Variants in STAB2 observed in about 807,000 individuals in gnomAD.
The protein encoded by STAB2 is stabilin-2.
A neutral mutation model predicts 338.1 loss-of-function variants in STAB2; 288 were observed. The ratio of observed to expected loss-of-function variants is 0.85; its 90% confidence interval spans 0.77 to 0.94. The LOEUF (loss-of-function observed/expected upper bound fraction) is 0.94, where lower values mean the gene tolerates loss of function less well. Ranked by LOEUF, STAB2 falls within the 40% of genes least tolerant of loss-of-function variation. STAB2 has a pLI of 0.00. For synonymous variants in STAB2, 1,202 were observed against 1,193.3 expected, an observed-to-expected ratio of 1.01 and a Z score of -0.15; for missense variants, 3,141 against 3,210.1, an observed-to-expected ratio of 0.98 and a Z score of 0.52.
chr12:103,722,324 A>G (rs1880832828), intron 44 of STAB2, among the ~76,000 whole-genome samples: 1 of 152,206 alleles, frequency 6.6e-6, no homozygotes, highest in Non-Finnish European at 1.5e-5. Flanking sequence ...ATGTTTCAAG[A>G]GGAGTGATTG....
Position 103,670,815 on chromosome 12 carries a change from G to T in STAB2, c.2371+8G>T. 1 of 1,609,348 alleles carries T rather than the reference G, an allele frequency of 6.2e-7. No individual in the cohort carries two copies. Among genetic ancestry groups the T allele is most frequent in the Non-Finnish European group, 8.5e-7 (1 of 1,176,672 alleles). ...GACCTCGGTGTAACAAAAGTAAGTG[G>T]CACTTCCAGAGCTTCCTTCCACTCC... On this transcript the variant is annotated splice_region_variant and intron_variant, in intron 22 of 68. Coordinates refer to ENST00000388887, the MANE Select transcript of STAB2 (RefSeq NM_017564.10).
intron 50 of STAB2, 99 bp downstream of exon 50, chr12:103,731,734 A>G: frequency 5.6e-6 from 7 of 1,254,968 alleles, no homozygotes; most frequent in Non-Finnish European, 7.9e-6. Context: ...GACATTGGCC[A>G]GCTGTTGTGG....
chr12:103,759,761 A>G (rs1017600120), intron 65 of STAB2, among the ~76,000 whole-genome samples: 3 of 152,102 alleles, frequency 2.0e-5, no homozygotes, highest in Non-Finnish European at 4.4e-5. Flanking sequence ...GGGAAAACTT[A>G]TTCTACCCTC....
At chr12:103,756,775 C>T (rs1004772289) in intron 63 of STAB2, among the ~76,000 whole-genome samples, 8 of 151,914 alleles carry the variant, frequency 5.3e-5, no homozygotes, top group Non-Finnish European at 1.0e-4. Flanking sequence ...GACCAAGGAC[C>T]CCAAAATGGA....
At chr12:103,618,684 T>G (rs994969906) in intron 3 of STAB2, among the ~76,000 whole-genome samples, 3 of 152,190 alleles carry the variant, frequency 2.0e-5, no homozygotes, top group African/African-American at 7.2e-5. Context: ...GCTGGGTGAC[T>G]TTGGCCAAGT....
chr12:103,692,397 G>GC (rs373650441), intron 30 of STAB2, among the ~76,000 whole-genome samples: 6 of 59,036 alleles, frequency 1.0e-4, no homozygotes, highest in Admixed American at 3.6e-4. Context: ...TGTGGGGGCA[G>GC]GGGGGGACAC....
Position 103,669,588 on chromosome 12 carries a change from T to C in STAB2, c.2220T>C (p.Cys740=), listed in dbSNP as rs1162079476. Residue 740 remains cysteine, a synonymous_variant, in exon 21 of 69, where the codon TGT becomes TGC. Coordinates refer to ENST00000388887, the MANE Select transcript of STAB2 (RefSeq NM_017564.10). ...KGFYGPDCNQ[C]PGGFSNPCSG... is the part of the protein sequence containing the mutation. ...TCTATGGACCTGACTGCAACCAGTG[T>C]CCAGGAGGCTTCTCAAATCCATGCT... The C allele has an allele frequency of 5.6e-6, 9 of 1,614,204 alleles. No individual in the cohort carries two copies. The highest frequency in any genetic ancestry group is 6.8e-6 in the Non-Finnish European group (8 of 1,180,044).
chr12:103,616,974 T>TCCTCACCTCCTGCTGCTCATCCTTAGA (rs1476880452), intron 3 of STAB2, among the ~76,000 whole-genome samples: 5 of 152,202 alleles, frequency 3.3e-5, no homozygotes, highest in African/African-American at 1.2e-4. Context: ...TTCCTCTACA[T>TCCTCACCTCCTGCTGCTCATCCTTAGA]CCTCACCTCC....
chr12:103,702,932 A>G (rs548188752), intron 34 of STAB2, among the ~76,000 whole-genome samples: 1 of 152,380 alleles, frequency 6.6e-6, no homozygotes, highest in East Asian at 1.9e-4. Flanking sequence ...AGAGGAAAGC[A>G]ATTGGCCTAA....
chr12:103,642,841 T>C (rs2138701985), intron 9 of STAB2, among the ~76,000 whole-genome samples: 1 of 152,306 alleles, frequency 6.6e-6, no homozygotes, highest in South Asian at 2.1e-4. Flanking sequence ...CCTGAGACCA[T>C]TCCCAGGGTA....
chr12:103,731,976 G>T (rs1479792005), intron 50 of STAB2, among the ~76,000 whole-genome samples: 1 of 152,212 alleles, frequency 6.6e-6, no homozygotes, highest in East Asian at 1.9e-4. Context: ...GCATGGGAGA[G>T]TTGGGAACTC....
At chr12:103,764,266 A>T (rs1884755920) in intron 68 of STAB2, among the ~76,000 whole-genome samples, 1 of 152,188 alleles carries the variant, frequency 6.6e-6, no homozygotes, top group Non-Finnish European at 1.5e-5. Flanking sequence ...GATGTCCTTT[A>T]AACTTACTTA....
In STAB2 at chr12:103,669,392, G is replaced by A. The variant is rs577699029; in HGVS notation, c.2173-149G>A. On this transcript the variant is annotated intron_variant, in intron 20 of 68. Coordinates refer to ENST00000388887, the MANE Select transcript of STAB2 (RefSeq NM_017564.10). The stretch of plus-strand genomic sequence containing the variant: ...GTGGTGACCAGATGACTGAGCACTA[G>A]CCATGCCATCAACTGCCAAAGAAAA... 140 of 660,260 alleles carry A rather than the reference G, an allele frequency of 2.1e-4. No individual in the cohort carries two copies. In the African/African-American group the frequency reaches 2.2e-3, roughly 10 times the overall value. 40.9% of individuals were successfully genotyped at this position (660,260 alleles called of 1,614,324 possible). A position where few individuals can be genotyped will look rare whatever the true frequency, so the allele number is the denominator to read the frequency against.
At chr12:103,662,794 G>A (rs1279478763) in intron 17 of STAB2, 52 bp from the exon 18 acceptor site, 14 of 1,585,652 alleles carry the variant, frequency 8.8e-6, no homozygotes, top group Non-Finnish European at 1.2e-5. Context: ...ATCACTGGCA[G>A]TCCTGCAGTA....
In STAB2 at chr12:103,706,925, G is replaced by A. The variant is rs765071829; in HGVS notation, c.4130G>A (p.Gly1377Asp). The change falls in exon 38 of 69, where the codon GGC becomes GAC. Residue 1377 changes from glycine (G) to aspartate (D), a missense_variant. Physicochemically the swap from Gly to Asp is moderately conservative, Grantham distance 94. Transcript: ENST00000388887. ...ACAGGTGTGTGTGAGTGTGGGGAGG[G>A]CTTCAGCGGCACAGCCTGCGAGACC... Reference protein sequence around the residue: ...NGTGVCECGEGFSGTACETCT... With the variant: ...NGTGVCECGEDFSGTACETCT... 2 of 1,614,212 alleles carry A rather than the reference G, an allele frequency of 1.2e-6. No homozygotes were observed. Among genetic ancestry groups the A allele is most frequent in the Non-Finnish European group, 1.7e-6 (2 of 1,180,036 alleles).
intron 18 of STAB2, among the ~76,000 whole-genome samples, chr12:103,663,434 G>T (rs1267411092): frequency 6.6e-6 from 1 of 152,182 alleles, no homozygotes; most frequent in East Asian, 1.9e-4. Context: ...GCATTCCGTG[G>T]CTTGTAGCTG....
intron 50 of STAB2, among the ~76,000 whole-genome samples, 160 bp from the exon 51 acceptor site, chr12:103,732,846 T>C (rs1255209510): frequency 6.6e-6 from 1 of 152,124 alleles, no homozygotes; most frequent in Non-Finnish European, 1.5e-5. Flanking sequence ...GGTTGGGGTG[T>C]GATGGGCTTC....
At chr12:103,587,957 G>A (rs1408862087) in intron 1 of STAB2, among the ~76,000 whole-genome samples, 1 of 152,174 alleles carries the variant, frequency 6.6e-6, no homozygotes, top group Non-Finnish European at 1.5e-5. Context: ...TCTCACTAAG[G>A]AACACAAGTA....
chr12:103,640,168 G>A lies in STAB2; in HGVS notation c.952G>A (p.Val318Met). The change falls in exon 9 of 69, where the codon GTG (valine) becomes ATG (methionine). Residue 318 changes from valine to methionine, a missense_variant. Physicochemically the swap from Val to Met is conservative, Grantham distance 21. Transcript: ENST00000388887. ...GCATTACCAGAATTTCGTACCTGGA[G>A]TGGGGTGCAGTATGACTGATATATG... The part of the protein sequence containing the change: ...KEHYQNFVPG[V>M]GCSMTDICKS... 2 of 1,613,674 alleles carry A rather than the reference G, an allele frequency of 1.2e-6. No individual in the cohort carries two copies. Among genetic ancestry groups the A allele is most frequent in the South Asian group, 2.2e-5 (2 of 91,018 alleles).
Sources: gnomAD v4.1 joint callset for allele counts (sites outside exome capture counted in the v4.1 genomes callset) on GRCh38, gnomAD v4.1.1 for gene constraint, MANE v1.5 for transcripts, NCBI Gene and HGNC (gene_info 2026-07-23, HGNC 2026-07-21) for gene names.